The following DCUN1D5 variants were observed in gnomAD, a reference collection of about 807,000 sequenced individuals.
The protein encoded by DCUN1D5 is DCN1-like protein 5.
Under a neutral mutation model 38.3 loss-of-function variants are expected in DCUN1D5, and 10 were observed. That is an observed-to-expected ratio of 0.26 (90% CI 0.16 to 0.44). The LOEUF is 0.44. Ranked by LOEUF, DCUN1D5 falls within the 20% of genes least tolerant of loss-of-function variation. DCUN1D5 has a pLI of 1.00. For synonymous variants in DCUN1D5, 93 were observed against 90.9 expected (o/e 1.02, Z -0.13); for missense variants, 148 against 275.3 (o/e 0.54, Z 3.27).
rs978499066 is a variant in DCUN1D5 at position 103,065,816 on chromosome 11, C to A, written c.555+453G>T. Among the ~76,000 whole-genome samples, 4 of 151,906 alleles carry A rather than the reference C, an allele frequency of 2.6e-5. No individual in the cohort carries two copies. Among genetic ancestry groups the A allele is most frequent in the Non-Finnish European group, 2.9e-5 (2 of 67,982 alleles). On this transcript the variant is annotated intron_variant, in intron 6 of 7. Coordinates refer to ENST00000260247, the MANE Select transcript of DCUN1D5 (RefSeq NM_032299.4). This position sits in a 1 kb window ranked among gnomAD's most constrained non-coding sequence, Gnocchi z 4.6. ...ATTTGTGGCCATAAAATATTAATAG[C>A]TTTATTCTGTTTCTTTAGATTGAGC...
In DCUN1D5 at chr11:103,082,186, A is replaced by G. The variant is rs1862580951; in HGVS notation, c.341+562T>C. ...AATTCTATAACTTATGAAAATGTTC[A>G]AAGACAGGATCCTAAACTGAAAGTG... On this transcript the variant is annotated intron_variant, in intron 4 of 7. Transcript: ENST00000260247. Among the ~76,000 whole-genome samples, 5 of 152,252 alleles carry G rather than the reference A, an allele frequency of 3.3e-5. 1 individual carries two copies. The South Asian group carries it at 8.3e-4, about 25-fold the overall frequency.
rs575253265 is a variant in DCUN1D5, at chr11:103,057,206, AAACT to A, written c.*5149_*5152del. On this transcript the variant is annotated 3_prime_UTR_variant, in exon 8 of 8. Transcript: ENST00000260247. The surrounding 1 kb of genome is among the most constrained non-coding windows in gnomAD (Gnocchi z 4.8). ...TGCATGACAGAATAGTAAAGTATATAAACTAACTTCACTTAAGTCAATACTCACA... is the reference window on the plus strand; with the variant it reads ...TGCATGACAGAATAGTAAAGTATATAAACTTCACTTAAGTCAATACTCACA... Among the ~76,000 whole-genome samples, 16 of 152,244 alleles carry A rather than the reference AAACT, an allele frequency of 1.1e-4. No homozygotes were observed. The highest frequency in any genetic ancestry group is 2.1e-4 in the Non-Finnish European group (14 of 68,036).
At chr11:103,089,343 G>A in intron 1 of DCUN1D5, 25 bp from the exon 2 acceptor site, 2 of 1,564,382 alleles carry the variant, frequency 1.3e-6, no homozygotes, top group Non-Finnish European at 1.7e-6. Flanking sequence ...AGACGCCTAA[G>A]ATTTTTATCA....
At chr11:103,080,563 T>C (rs1862534073) in intron 4 of DCUN1D5, among the ~76,000 whole-genome samples, 1 of 152,212 alleles carries the variant, frequency 6.6e-6, no homozygotes, top group Non-Finnish European at 1.5e-5. Flanking sequence ...CATTCCTCAG[T>C]AGCTTCAAGG....
rs1194560513 is a variant in DCUN1D5, at chr11:103,065,559, G to C, written c.555+710C>G. Among the ~76,000 whole-genome samples the C allele has an allele frequency of 2.0e-5, 3 of 152,018 alleles. 1 individual carries two copies. Among genetic ancestry groups the C allele is most frequent in the South Asian group, 4.1e-4 (2 of 4,822 alleles). ...ATTATTTCCAAAGGAAAAAGCATCT[G>C]TATTCAAGATATGGTGAGAACTATA... is the stretch of plus-strand genomic sequence containing the variant. On this transcript the variant is annotated intron_variant, in intron 6 of 7. Transcript: ENST00000260247. This position sits in a 1 kb window ranked among gnomAD's most constrained non-coding sequence, Gnocchi z 4.6.
intron 2 of DCUN1D5, among the ~76,000 whole-genome samples, chr11:103,084,560 A>T (rs1862649949): frequency 6.6e-6 from 1 of 152,218 alleles, no homozygotes; most frequent in African/African-American, 2.4e-5. Flanking sequence ...CTTCCTTTAC[A>T]TATTTGGAGA....
chr11:103,055,551 A>G lies in DCUN1D5; in HGVS notation c.*6808T>C, dbSNP rs1861853351. 6.6e-6 allele frequency: 1 copy of G among 152,196 alleles called. No homozygotes were observed. 9.4% of individuals were successfully genotyped at this position (152,196 alleles called of 1,614,324 possible). Reference sequence around the variant, plus strand: ...TTTGTTTACATATTTGGCAACTATTATCAATCTTGCTTTTTAAATCTTAGT... The same window carrying G: ...TTTGTTTACATATTTGGCAACTATTGTCAATCTTGCTTTTTAAATCTTAGT... On this transcript the variant is annotated 3_prime_UTR_variant, in exon 8 of 8. Coordinates refer to ENST00000260247, the MANE Select transcript of DCUN1D5 (RefSeq NM_032299.4).
Position 103,060,208 on chromosome 11 carries a change from A to G in DCUN1D5, c.*2151T>C, listed in dbSNP as rs1009567285. On this transcript the variant is annotated 3_prime_UTR_variant, in exon 8 of 8. Coordinates refer to ENST00000260247, the MANE Select transcript of DCUN1D5 (RefSeq NM_032299.4). The stretch of plus-strand genomic sequence containing the variant: ...ATAGATGGAGCAATAGAGTAAAGCA[A>G]GCGTGGCCTCAGTGGTACTGGACTC... Among the ~76,000 whole-genome samples, 1 of 152,156 alleles carries G rather than the reference A, an allele frequency of 6.6e-6. No individual in the cohort carries two copies. Among genetic ancestry groups the G allele is most frequent in the South Asian group, 2.1e-4 (1 of 4,828 alleles).
rs1861789100 is a variant in DCUN1D5 at position 103,053,223 on chromosome 11, G to A, written c.*9136C>T. 2 of 152,046 alleles carry A rather than the reference G, an allele frequency of 1.3e-5. No homozygotes were observed. The highest frequency in any genetic ancestry group is 1.3e-4 in the Admixed American group (2 of 15,242). 9.4% of individuals were successfully genotyped at this position (152,046 alleles called of 1,614,324 possible). ...ACAGCCATAGTAGCTATGTTACTGA[G>A]CATTTATTACTTGGTGCCAACTACA... On this transcript the variant is annotated 3_prime_UTR_variant, in exon 8 of 8. Transcript: ENST00000260247. The surrounding 1 kb of genome is among the most constrained non-coding windows in gnomAD (Gnocchi z 4.8).
chr11:103,091,781 T>C lies in DCUN1D5; in HGVS notation c.86+6A>G, dbSNP rs1288788162. On this transcript the variant is annotated splice_donor_region_variant and intron_variant, in intron 1 of 7. Coordinates refer to ENST00000260247, the MANE Select transcript of DCUN1D5 (RefSeq NM_032299.4). The surrounding 1 kb of genome is among the most constrained non-coding windows in gnomAD (Gnocchi z 4.3). The stretch of plus-strand genomic sequence containing the variant: ...GGGAAGCTTGAAGGGTGGGGGGAGA[T>C]GGTACCTGGAGATTTTACACTTTTT... The C allele has an allele frequency of 2.5e-6, 4 of 1,613,694 alleles. No individual in the cohort carries two copies. The highest frequency in any genetic ancestry group is 1.6e-4 in the Middle Eastern group (1 of 6,084).
rs1053006333 is a variant in DCUN1D5, at chr11:103,062,190, C to T, written c.*169G>A. ...GTCTAAGAAGAGGTGTGGCTCAATG[C>T]CCATCACATGTAACAAGAAAAACCT... On this transcript the variant is annotated 3_prime_UTR_variant, in exon 8 of 8. Coordinates refer to ENST00000260247, the MANE Select transcript of DCUN1D5 (RefSeq NM_032299.4). The surrounding 1 kb of genome is among the most constrained non-coding windows in gnomAD (Gnocchi z 4.6). 1 of 612,652 alleles carries T rather than the reference C, an allele frequency of 1.6e-6. No homozygotes were observed. The highest frequency in any genetic ancestry group is 3.1e-5 in the Admixed American group (1 of 32,682). 38.0% of individuals were successfully genotyped at this position (612,652 alleles called of 1,614,324 possible). A position where few individuals can be genotyped will look rare whatever the true frequency, so the allele number is the denominator to read the frequency against.
chr11:103,085,627 G>A (rs796665055), intron 2 of DCUN1D5, among the ~76,000 whole-genome samples: 1 of 152,184 alleles, frequency 6.6e-6, no homozygotes, highest in African/African-American at 2.4e-5. Context: ...AATAGTAACA[G>A]ATCTAAGTCT....
Position 103,091,193 on chromosome 11 carries a change from G to C in DCUN1D5, c.86+594C>G, listed in dbSNP as rs566471552. Reference sequence around the variant, plus strand: ...ACTCTGCACACAGGGACTTGGCATAGGTGAGGCACTATACTTCCAGAAAAT... The same window carrying C: ...ACTCTGCACACAGGGACTTGGCATACGTGAGGCACTATACTTCCAGAAAAT... On this transcript the variant is annotated intron_variant, in intron 1 of 7. Coordinates refer to ENST00000260247, the MANE Select transcript of DCUN1D5 (RefSeq NM_032299.4). This position sits in a 1 kb window ranked among gnomAD's most constrained non-coding sequence, Gnocchi z 4.3. Among the ~76,000 whole-genome samples, 2 of 152,174 alleles carry C rather than the reference G, an allele frequency of 1.3e-5. No individual in the cohort carries two copies. Among genetic ancestry groups the C allele is most frequent in the South Asian group, 4.2e-4 (2 of 4,814 alleles).
At position 103,091,699 on chromosome 11, in the gene DCUN1D5, G is replaced by A. The variant is rs754602192; in HGVS notation, c.86+88C>T. 9.3e-6 allele frequency: 15 copies of A among 1,610,858 alleles called. No individual in the cohort carries two copies. The highest frequency in any genetic ancestry group is 1.3e-5 in the Non-Finnish European group (15 of 1,178,636). ...GGGGCCTCACCTGTCTCCAGCCCCA[G>A]CCCGGCAGGCCGGGCCCGACTCCTT... On this transcript the variant is annotated intron_variant, in intron 1 of 7. Coordinates refer to ENST00000260247, the MANE Select transcript of DCUN1D5 (RefSeq NM_032299.4). The surrounding 1 kb of genome is among the most constrained non-coding windows in gnomAD (Gnocchi z 4.3).
chr11:103,083,286 A>C lies in DCUN1D5; in HGVS notation c.219T>G (p.Phe73Leu), dbSNP rs931967255. ...CAGGTTCAACACCAATGTCTTCACA[A>C]AATTTTTCCATTCCTTCTGGCCCTA... ...EVVGPEGMEK[F>L]CEDIGVEPEN... is the part of the protein sequence containing the mutation. The change falls in exon 3 of 8, where the codon TTT becomes TTG. Residue 73 changes from phenylalanine to leucine, a missense_variant. Transcript: ENST00000260247. The surrounding 1 kb of genome is among the most constrained non-coding windows in gnomAD (Gnocchi z 4.4). 6.2e-7 allele frequency: 1 copy of C among 1,604,438 alleles called. No individual in the cohort carries two copies. Among genetic ancestry groups the C allele is most frequent in the African/African-American group, 1.3e-5 (1 of 74,820 alleles).
chr11:103,079,365 C>T (rs1320566466), intron 4 of DCUN1D5, among the ~76,000 whole-genome samples: 2 of 152,180 alleles, frequency 1.3e-5, no homozygotes, highest in Non-Finnish European at 2.9e-5. Flanking sequence ...TCTTATTCCT[C>T]GCTGTGATCA....
At position 103,064,564 on chromosome 11, in the gene DCUN1D5, C is replaced by CT. The variant is rs200495058; in HGVS notation, c.556-188dup. On this transcript the variant is annotated intron_variant, in intron 6 of 7. Transcript: ENST00000260247. This position sits in a 1 kb window ranked among gnomAD's most constrained non-coding sequence, Gnocchi z 4.5. ...ACATATTAACATAATCTATTTTTTA[C>CT]TTTTTTTTTCATTTTTGAGGAATAA... 1.2e-3 allele frequency among the ~76,000 whole-genome samples: 180 copies of CT among 150,612 alleles called. No individual in the cohort carries two copies. Among genetic ancestry groups the CT allele is most frequent in the African/African-American group, 4.2e-3 (174 of 41,066 alleles).
rs1862012818 is a variant in DCUN1D5 at position 103,061,636 on chromosome 11, A to C, written c.*723T>G. ...AAAAGTGCTTTAAACAAAATTCCCT[A>C]TATAATGACAGTTAAAAATATAAAT... is the stretch of plus-strand genomic sequence containing the variant. On this transcript the variant is annotated 3_prime_UTR_variant, in exon 8 of 8. Transcript: ENST00000260247. Among the ~76,000 whole-genome samples the C allele has an allele frequency of 2.6e-5, 4 of 151,556 alleles. No homozygotes were observed. In the South Asian group the frequency reaches 8.3e-4, roughly 31 times the overall value.
In DCUN1D5 at chr11:103,053,794, T is replaced by C. The variant is rs1156888627; in HGVS notation, c.*8565A>G. The C allele has an allele frequency of 1.3e-5, 2 of 152,134 alleles. No individual in the cohort carries two copies. The highest frequency in any genetic ancestry group is 4.8e-5 in the African/African-American group (2 of 41,446). The allele number at this position is 152,134 out of a possible 1,614,324, so 9.4% of individuals were successfully genotyped here. A position where few individuals can be genotyped will look rare whatever the true frequency, so the allele number is the denominator to read the frequency against. On this transcript the variant is annotated 3_prime_UTR_variant, in exon 8 of 8. Transcript: ENST00000260247. This position sits in a 1 kb window ranked among gnomAD's most constrained non-coding sequence, Gnocchi z 4.8. ...AAAATGTATCTGAGTGGTTCAATTT[T>C]TCCATTTGACTCTACTATATATAAC...
Sources: gnomAD v4.1 joint callset for allele counts (sites outside exome capture counted in the v4.1 genomes callset) on GRCh38, gnomAD v4.1.1 for gene constraint, Gnocchi (gnomAD v3.1) non-coding constraint, MANE v1.5 for transcripts, NCBI Gene and HGNC (gene_info 2026-07-23, HGNC 2026-07-21) for gene names.